ZFHX3: variants seen among roughly 807,000 people sequenced by gnomAD.
ZFHX3 encodes zinc finger homeobox protein 3.
In ZFHX3, 42 loss-of-function variants were observed where a neutral mutation model predicts 279.1. The observed-to-expected ratio is 0.15, with a 90% confidence interval of 0.12 to 0.19. ZFHX3 has a LOEUF of 0.19. Ranked by LOEUF, ZFHX3 falls within the 10% of genes least tolerant of loss-of-function variation. The pLI, the probability that ZFHX3 is intolerant of heterozygous loss-of-function variation, is 1.00. For synonymous variants in ZFHX3, 2,293 were observed against 1,957.8 expected (o/e 1.17, Z -4.52); for missense variants, 4,981 against 4,754.0 (o/e 1.05, Z -1.40).
At chr16:73,670,898 T>C (rs2052898104) in intron 2 of ZFHX3, among the ~76,000 whole-genome samples, 1 of 152,244 alleles carries the variant, frequency 6.6e-6, no homozygotes, top group Admixed American at 6.5e-5. Context: ...CACTTGAAGT[T>C]TGCAAGTTTA....
chr16:73,645,655 C>T (rs1174919099), intron 2 of ZFHX3, among the ~76,000 whole-genome samples: 1 of 152,100 alleles, frequency 6.6e-6, no homozygotes, highest in Non-Finnish European at 1.5e-5. Context: ...AAATACGTAG[C>T]ATGGATAGTT....
At chr16:72,965,866 A>G (rs11075953) in intron 1 of ZFHX3, among the ~76,000 whole-genome samples, 49,442 of 152,150 alleles carry the variant, frequency 0.32, 8,351 homozygotes, top group Non-Finnish European at 0.36. Context: ...CTGAGGAATT[A>G]GCGATTAGCT....
Position 73,145,794 on chromosome 16 carries a change from G to A in ZFHX3, c.-1103-1963C>T, listed in dbSNP as rs780750704. Among the ~76,000 whole-genome samples the A allele has an allele frequency of 4.3e-4, 66 of 152,336 alleles. 1 individual carries two copies. In the Middle Eastern group the frequency reaches 0.024, roughly 55 times the overall value. On this transcript the variant is annotated intron_variant, in intron 5 of 17. Coordinates refer to the ZFHX3 transcript ENST00000641206. ...ATTGTCTGTTGAATGGGGCTGATTG[G>A]TTCTTGAAATGAAACCAATCCAGAA...
chr16:73,126,096 T>C (rs758488041), intron 7 of ZFHX3, among the ~76,000 whole-genome samples: 3 of 152,010 alleles, frequency 2.0e-5, no homozygotes, highest in East Asian at 3.9e-4. Context: ...GGGTTTGTGC[T>C]AGAGAATGGG....
In ZFHX3 at chr16:73,619,146, C is replaced by T. The variant is rs1008079115; in HGVS notation, c.-1547+61034G>A. ...ACAAGGACACTTTCAAAATTCTTCCCAAAGCTATATAAATGTTAATAAAAA... is the reference window on the plus strand; with the variant it reads ...ACAAGGACACTTTCAAAATTCTTCCTAAAGCTATATAAATGTTAATAAAAA... On this transcript the variant is annotated intron_variant, in intron 2 of 17. Transcript: ENST00000641206. Among the ~76,000 whole-genome samples the T allele has an allele frequency of 5.3e-5, 8 of 151,784 alleles. No individual in the cohort carries two copies. In the East Asian group the frequency reaches 5.8e-4, roughly 11 times the overall value.
In ZFHX3 at chr16:73,820,651, G is replaced by A. The variant is rs186190207; in HGVS notation, c.-1608+71000C>T. 5.3e-3 allele frequency among the ~76,000 whole-genome samples: 806 copies of A among 152,018 alleles called. 8 individuals carry two copies. The highest frequency in any genetic ancestry group is 0.019 in the African/African-American group (775 of 41,452). On this transcript the variant is annotated intron_variant, in intron 1 of 17. Coordinates refer to the ZFHX3 transcript ENST00000641206. Reference sequence around the variant, plus strand: ...CCCTGTGAGACTCCAAGCAAGAACCGCCCTGCTGAGCCCCATCAATTCCAG... The same window carrying A: ...CCCTGTGAGACTCCAAGCAAGAACCACCCTGCTGAGCCCCATCAATTCCAG...
rs1182087163 is a variant in ZFHX3 at position 73,138,366 on chromosome 16, C to A, written c.-1024+5386G>T. Among the ~76,000 whole-genome samples, 5 of 152,200 alleles carry A rather than the reference C, an allele frequency of 3.3e-5. No homozygotes were observed. In the South Asian group the frequency reaches 1.0e-3, roughly 32 times the overall value. ...AAAGCAACAAGGAAGGAAATCCATT[C>A]AAGAGGAGATGGAATCTACCCGCTG... On this transcript the variant is annotated intron_variant, in intron 6 of 17. Coordinates refer to the ZFHX3 transcript ENST00000641206.
chr16:72,868,635 C>T (rs1401449480), intron 4 of ZFHX3, among the ~76,000 whole-genome samples: 4 of 152,222 alleles, frequency 2.6e-5, no homozygotes, highest in African/African-American at 9.6e-5. Context: ...GCTACAACTA[C>T]ATCCCATGAC....
intron 3 of ZFHX3, among the ~76,000 whole-genome samples, chr16:73,410,712 A>T (rs1247502428): frequency 6.6e-6 from 1 of 152,238 alleles, no homozygotes. Context: ...TAGATGGAGG[A>T]AGGACCCAAC....
intron 1 of ZFHX3, among the ~76,000 whole-genome samples, chr16:73,759,895 T>G (rs1461575996): frequency 6.9e-6 from 1 of 144,264 alleles, no homozygotes; most frequent in Non-Finnish European, 1.5e-5. Context: ...AAAAAAAAAG[T>G]AGAAAGTGGG....
In ZFHX3 at chr16:73,492,781, G is replaced by A. The variant is rs181853545; in HGVS notation, c.-1546-36523C>T. 4.1e-4 allele frequency among the ~76,000 whole-genome samples: 62 copies of A among 152,268 alleles called. 1 individual carries two copies. In the East Asian group the frequency reaches 7.5e-3, roughly 18 times the overall value. Reference sequence around the variant, plus strand: ...TCACCCTTAACATTAAACAACTGCAGTTTGTAAGGATTAAGTTTTCATTCC... The same window carrying A: ...TCACCCTTAACATTAAACAACTGCAATTTGTAAGGATTAAGTTTTCATTCC... On this transcript the variant is annotated intron_variant, in intron 2 of 17. Transcript: ENST00000641206.
intron 4 of ZFHX3, among the ~76,000 whole-genome samples, chr16:72,838,561 A>G (rs1297308470): frequency 6.6e-6 from 1 of 152,146 alleles, no homozygotes; most frequent in African/African-American, 2.4e-5. Flanking sequence ...CTGTGGGAAC[A>G]GCACAGAACG....
chr16:73,666,695 T>C (rs2052845860), intron 2 of ZFHX3, among the ~76,000 whole-genome samples: 1 of 151,964 alleles, frequency 6.6e-6, no homozygotes, highest in Admixed American at 6.5e-5. Context: ...TGCACAGTCA[T>C]GCCACCACCA....
At chr16:72,914,394 C>T (rs1382349435) in intron 3 of ZFHX3, among the ~76,000 whole-genome samples, 1 of 152,330 alleles carries the variant, frequency 6.6e-6, no homozygotes, top group Middle Eastern at 3.4e-3. Flanking sequence ...TTACTCCCAT[C>T]TCAGCCCCTA....
chr16:73,657,415 G>A (rs777682375), intron 2 of ZFHX3, among the ~76,000 whole-genome samples: 18 of 152,174 alleles, frequency 1.2e-4, no homozygotes, highest in South Asian at 2.1e-4. Context: ...CCAAGATCGC[G>A]CCATTGCACT....
intron 1 of ZFHX3, among the ~76,000 whole-genome samples, chr16:73,786,574 C>T (rs1312441697): frequency 6.6e-6 from 1 of 152,128 alleles, no homozygotes. Flanking sequence ...GGTGATAAGC[C>T]TGGACAACAA....
intron 2 of ZFHX3, among the ~76,000 whole-genome samples, chr16:73,522,749 T>C (rs1940894027): frequency 6.6e-6 from 1 of 152,184 alleles, no homozygotes; most frequent in Admixed American, 6.5e-5. Flanking sequence ...AATAAAGACA[T>C]ATCCAAGACT....
rs12599078 is a variant in ZFHX3, at chr16:73,717,244, T to C, written c.-1607-37004A>G. Among the ~76,000 whole-genome samples the C allele has an allele frequency of 6.0e-4, 91 of 152,316 alleles. No individual in the cohort carries two copies. The East Asian group carries it at 0.017, about 29-fold the overall frequency. ...AATAAAAAGAAACAGGACATGCATT[T>C]ATTTGTTTGCTTATTTATTTACTTA... On this transcript the variant is annotated intron_variant, in intron 1 of 17. Coordinates refer to the ZFHX3 transcript ENST00000641206.
intron 5 of ZFHX3, among the ~76,000 whole-genome samples, chr16:73,192,265 G>C (rs968638376): frequency 1.3e-5 from 2 of 152,150 alleles, no homozygotes; most frequent in Admixed American, 6.5e-5. Flanking sequence ...TGTTCAGGAT[G>C]CTTCTCTTAG....
Sources: allele counts gnomAD v4.1 joint callset (sites outside exome capture counted in the v4.1 genomes callset), GRCh38; gene constraint gnomAD v4.1.1; transcripts MANE v1.5; gene names NCBI Gene and HGNC (gene_info 2026-07-23, HGNC 2026-07-21).